ZNF12: variants seen among roughly 807,000 people sequenced by gnomAD.
ZNF12 encodes zinc finger protein 12.
A neutral mutation model predicts 66.6 loss-of-function variants in ZNF12; 34 were observed. The observed-to-expected ratio is 0.51, with a 90% CI of 0.39 to 0.68. The LOEUF (loss-of-function observed/expected upper bound fraction) is 0.68, where lower values mean the gene tolerates loss of function less well. Among genes scored for constraint, ZNF12 ranks in the 30% least tolerant of loss-of-function variants. The probability of loss-of-function intolerance (pLI) is 0.00; values close to 1 mark genes in which losing one functional copy is unlikely to be tolerated. For missense variants in ZNF12, 697 were observed against 826.9 expected (o/e 0.84, Z 1.93); for synonymous variants, 320 against 278.9 (o/e 1.15, Z -1.47).
intron 2 of ZNF12, among the ~76,000 whole-genome samples, chr7:6,700,622 T>C (rs1765902580): frequency 6.6e-6 from 1 of 152,130 alleles, no homozygotes; most frequent in Admixed American, 6.6e-5. Flanking sequence ...TCTCTATTAA[T>C]TTCAGCTTTT....
rs745724607 is a variant in ZNF12 at position 6,691,091 on chromosome 7, C to T, written c.1851G>A (p.Met617Ile). The T allele has an allele frequency of 4.3e-6, 7 of 1,614,088 alleles. No homozygotes were observed. Among genetic ancestry groups the T allele is most frequent in the Non-Finnish European group, 5.9e-6 (7 of 1,180,002 alleles). ...TTCGATGATGTATAGTGAGATAGGA[C>T]ATCTGAGAGAAGCACTTCCCACATT... ...CYECGKCFSQ[M>I]SYLTIHHRIH... The change falls in exon 5 of 5, where the codon ATG becomes ATA. Residue 617 changes from methionine (M) to isoleucine (I), a missense_variant. Around this residue, in one of 3 missense-constraint regions of ZNF12, gnomAD observed 401 missense variants for 519.0 expected, o/e 0.77. Coordinates refer to ENST00000405858, the MANE Select transcript of ZNF12 (RefSeq NM_016265.4).
At chr7:6,701,162 G>C (rs1780237440) in intron 2 of ZNF12, among the ~76,000 whole-genome samples, 1 of 152,120 alleles carries the variant, frequency 6.6e-6, no homozygotes, top group Admixed American at 6.6e-5. Context: ...TTTAAAATCA[G>C]ACTTCTGCTT....
intron 4 of ZNF12, among the ~76,000 whole-genome samples, chr7:6,693,012 C>T (rs1381783430): frequency 6.6e-6 from 1 of 152,108 alleles, no homozygotes; most frequent in African/African-American, 2.4e-5. Flanking sequence ...TAAAATATAA[C>T]ACAGAACAAT....
At position 6,700,304 on chromosome 7, in the gene ZNF12, T is replaced by TACAC. The variant is rs71539972; in HGVS notation, c.16-2497_16-2494dup. ...CGTCTGAGAGGAAAAAAAAAAAATA[T>TACAC]ACACACACACACACACACACACACA... On this transcript the variant is annotated intron_variant, in intron 2 of 4. Coordinates refer to ENST00000405858, the MANE Select transcript of ZNF12 (RefSeq NM_016265.4). Among the ~76,000 whole-genome samples, 725 of 129,038 alleles carry TACAC rather than the reference T, an allele frequency of 5.6e-3. 4 individuals are homozygous for TACAC. The highest frequency in any genetic ancestry group is 9.3e-3 in the African/African-American group (302 of 32,544). The allele number at this position is 129,038 out of a possible 152,430, so 84.7% of individuals were successfully genotyped here.
At chr7:6,694,124 G>A (rs1286065491) in intron 4 of ZNF12, among the ~76,000 whole-genome samples, 1 of 144,972 alleles carries the variant, frequency 6.9e-6, no homozygotes, top group Non-Finnish European at 1.6e-5. Flanking sequence ...CCGAGATTGT[G>A]TCACTGCACC....
rs1395454840 is a variant in ZNF12 at position 6,690,090 on chromosome 7, G to A, written c.*758C>T. 6.6e-6 allele frequency: 1 copy of A among 152,040 alleles called. No homozygotes were observed. The highest frequency in any genetic ancestry group is 1.5e-5 in the Non-Finnish European group (1 of 68,020). The allele number at this position is 152,040 out of a possible 1,614,324, so 9.4% of individuals were successfully genotyped here. On this transcript the variant is annotated 3_prime_UTR_variant, in exon 5 of 5. Coordinates refer to ENST00000405858, the MANE Select transcript of ZNF12 (RefSeq NM_016265.4). ...CAGTTGAAAACATTATAAAAGCATT[G>A]GTCCTTTAGAGCTGATATTGTTCAT...
chr7:6,699,792 G>A (rs1480489479), intron 2 of ZNF12, among the ~76,000 whole-genome samples: 1 of 152,060 alleles, frequency 6.6e-6, no homozygotes, highest in African/African-American at 2.4e-5. Flanking sequence ...GGACTTTCAA[G>A]GACTCATAAG....
chr7:6,695,119 A>G (rs1315686819), intron 4 of ZNF12, among the ~76,000 whole-genome samples: 1 of 152,070 alleles, frequency 6.6e-6, no homozygotes, highest in African/African-American at 2.4e-5. Flanking sequence ...GTGTCACCAT[A>G]TTGGCCAGGC....
At chr7:6,702,024 A>G (rs1403439358) in intron 2 of ZNF12, among the ~76,000 whole-genome samples, 2 of 151,702 alleles carry the variant, frequency 1.3e-5, no homozygotes, top group Non-Finnish European at 2.9e-5. Context: ...AACCTCTCCA[A>G]TCAGGATTTC....
rs750580128 is a variant in ZNF12, at chr7:6,692,750, T to C, written c.239-47A>G. The stretch of plus-strand genomic sequence containing the variant: ...AAACTTTTGTACATCTTCCTATATA[T>C]ATATGATATGGAATGAGATTCATGA... On this transcript the variant is annotated intron_variant, in intron 4 of 4. Coordinates refer to ENST00000405858, the MANE Select transcript of ZNF12 (RefSeq NM_016265.4). The surrounding 1 kb of genome is among the most constrained non-coding windows in gnomAD (Gnocchi z 5.1). The C allele has an allele frequency of 2.7e-6, 4 of 1,490,926 alleles. No homozygotes were observed. The highest frequency in any genetic ancestry group is 2.8e-5 in the African/African-American group (2 of 71,094). 92.4% of individuals were successfully genotyped at this position (1,490,926 alleles called of 1,614,324 possible). A position where few individuals can be genotyped will look rare whatever the true frequency, so the allele number is the denominator to read the frequency against.
Position 6,697,248 on chromosome 7 carries a change from C to G in ZNF12, c.238+91G>C, listed in dbSNP as rs931189870. On this transcript the variant is annotated intron_variant, in intron 4 of 4. Transcript: ENST00000405858. This position sits in a 1 kb window ranked among gnomAD's most constrained non-coding sequence, Gnocchi z 6.1. The stretch of plus-strand genomic sequence containing the variant: ...TCATAGAGCATATAAGCAACTATTT[C>G]TAGTCACTTCTAAAGGTTCGGGACC... The G allele has an allele frequency of 5.4e-6, 5 of 918,232 alleles. No individual in the cohort carries two copies. The highest frequency in any genetic ancestry group is 5.0e-5 in the African/African-American group (3 of 59,746). The allele number at this position is 918,232 out of a possible 1,614,324, so 56.9% of individuals were successfully genotyped here.
Position 6,698,143 on chromosome 7 carries a change from C to T in ZNF12, c.16-332G>A. The T allele has an allele frequency of 6.0e-6, 3 of 502,278 alleles. No individual in the cohort carries two copies. The highest frequency in any genetic ancestry group is 4.8e-5 in the South Asian group (3 of 62,404). The allele number at this position is 502,278 out of a possible 1,614,324, so 31.1% of individuals were successfully genotyped here. A position where few individuals can be genotyped will look rare whatever the true frequency, so the allele number is the denominator to read the frequency against. Reference sequence around the variant, plus strand: ...GACACTCACAGAACCCCAGGATGCACTCTGCTTCTTTGCACATTCTTCAAT... The same window carrying T: ...GACACTCACAGAACCCCAGGATGCATTCTGCTTCTTTGCACATTCTTCAAT... On this transcript the variant is annotated intron_variant, in intron 2 of 4. Coordinates refer to ENST00000405858, the MANE Select transcript of ZNF12 (RefSeq NM_016265.4). This position sits in a 1 kb window ranked among gnomAD's most constrained non-coding sequence, Gnocchi z 4.4.
chr7:6,702,048 G>C (rs1055683524), intron 2 of ZNF12, among the ~76,000 whole-genome samples: 54 of 151,220 alleles, frequency 3.6e-4, no homozygotes, highest in African/African-American at 1.3e-3. Context: ...TACAGATCCA[G>C]CCACAGGGCC....
rs562852666 is a variant in ZNF12 at position 6,706,486 on chromosome 7, T to C, written c.-105A>G. The C allele has an allele frequency of 3.4e-5, 16 of 473,294 alleles. No homozygotes were observed. Among genetic ancestry groups the C allele is most frequent in the Middle Eastern group, 3.9e-4 (1 of 2,548 alleles). The allele number at this position is 473,294 out of a possible 1,614,324, so 29.3% of individuals were successfully genotyped here. On this transcript the variant is annotated 5_prime_UTR_variant, in exon 1 of 5. Coordinates refer to ENST00000405858, the MANE Select transcript of ZNF12 (RefSeq NM_016265.4). The stretch of plus-strand genomic sequence containing the variant: ...CCGCTCCCGACAGGCCGGGGCGGGA[T>C]TGCTGTCGCGGGCGCGCGTCTGCTC...
Position 6,705,131 on chromosome 7 carries a change from G to A in ZNF12, c.15+28C>T, listed in dbSNP as rs777714383. ...AAGGTGTATTGTAAATCAGAGTAGA[G>A]AATAAATACATGAACAGAAACACTC... On this transcript the variant is annotated intron_variant, in intron 2 of 4. Coordinates refer to ENST00000405858, the MANE Select transcript of ZNF12 (RefSeq NM_016265.4). The surrounding 1 kb of genome is among the most constrained non-coding windows in gnomAD (Gnocchi z 4.0). 2.7e-5 allele frequency: 43 copies of A among 1,612,476 alleles called. No individual in the cohort carries two copies. The highest frequency in any genetic ancestry group is 1.6e-4 in the East Asian group (7 of 44,842).
At chr7:6,702,352 C>T (rs993988810) in intron 2 of ZNF12, among the ~76,000 whole-genome samples, 4 of 145,906 alleles carry the variant, frequency 2.7e-5, no homozygotes, top group Non-Finnish European at 6.0e-5. Context: ...ACTACACACA[C>T]GCACACACAC....
At position 6,696,366 on chromosome 7, in the gene ZNF12, T is replaced by G. The variant is rs182143083; in HGVS notation, c.238+973A>C. Among the ~76,000 whole-genome samples the G allele has an allele frequency of 7.9e-5, 12 of 152,256 alleles. No individual in the cohort carries two copies. The highest frequency in any genetic ancestry group is 1.5e-5 in the Non-Finnish European group (1 of 68,012). Reference sequence around the variant, plus strand: ...AAATAAAGGGAGGTGGAAAGGTGATTAGTAATTATAATTTGGAATAGGTCA... The same window carrying G: ...AAATAAAGGGAGGTGGAAAGGTGATGAGTAATTATAATTTGGAATAGGTCA... On this transcript the variant is annotated intron_variant, in intron 4 of 4. Transcript: ENST00000405858. This position sits in a 1 kb window ranked among gnomAD's most constrained non-coding sequence, Gnocchi z 4.0.
chr7:6,700,581 C>A (rs1164811995), intron 2 of ZNF12, among the ~76,000 whole-genome samples: 1 of 152,104 alleles, frequency 6.6e-6, no homozygotes, highest in Non-Finnish European at 1.5e-5. Context: ...TCCCCTCAAA[C>A]CCCCACTGCA....
rs548507518 is a variant in ZNF12 at position 6,689,896 on chromosome 7, A to G, written c.*952T>C. The G allele has an allele frequency of 6.6e-6, 1 of 152,618 alleles. No homozygotes were observed. The highest frequency in any genetic ancestry group is 6.5e-5 in the Admixed American group (1 of 15,308). 9.5% of individuals were successfully genotyped at this position (152,618 alleles called of 1,614,324 possible). A position where few individuals can be genotyped will look rare whatever the true frequency, so the allele number is the denominator to read the frequency against. On this transcript the variant is annotated 3_prime_UTR_variant, in exon 5 of 5. Coordinates refer to ENST00000405858, the MANE Select transcript of ZNF12 (RefSeq NM_016265.4). ...TGTAAGTGTCCAAATAAAAAACAGTAGAAAAAAAAATAGATACAAATGGGA... is the reference window on the plus strand; with the variant it reads ...TGTAAGTGTCCAAATAAAAAACAGTGGAAAAAAAAATAGATACAAATGGGA...
Sources: allele counts gnomAD v4.1 joint callset (sites outside exome capture counted in the v4.1 genomes callset), GRCh38; gene constraint gnomAD v4.1.1; regional missense constraint gnomAD v4.1.1; non-coding constraint Gnocchi (gnomAD v3.1); transcripts MANE v1.5; gene names NCBI Gene and HGNC (gene_info 2026-07-23, HGNC 2026-07-21).